Variants in TRPM3 observed in about 807,000 individuals in gnomAD.
The protein encoded by TRPM3 is long transient receptor potential channel 3.
In TRPM3, 77 loss-of-function variants were observed where a neutral mutation model predicts 181.2. The observed-to-expected ratio is 0.42, with a 90% CI of 0.35 to 0.51. The LOEUF is 0.51. TRPM3 is among the 20% of genes least tolerant of loss of function. The pLI is 0.01. For synonymous variants in TRPM3, 745 were observed against 796.4 expected (o/e 0.94, Z 1.09); for missense variants, 1,759 against 2,196.7 (o/e 0.80, Z 3.98).
At chr9:71,378,632 T>C (rs1394292958) in intron 1 of TRPM3, among the ~76,000 whole-genome samples, 1 of 152,070 alleles carries the variant, frequency 6.6e-6, no homozygotes, top group Non-Finnish European at 1.5e-5. Context: ...ACTCAGATGC[T>C]TCCTCTTGCT....
intron 1 of TRPM3, among the ~76,000 whole-genome samples, chr9:71,120,746 G>A (rs753858748): frequency 6.6e-6 from 1 of 152,186 alleles, no homozygotes; most frequent in Non-Finnish European, 1.5e-5. Context: ...GTTCTCTCTG[G>A]TTCCATTTAA....
chr9:70,870,773 A>G (rs923267249), intron 1 of TRPM3, among the ~76,000 whole-genome samples: 3 of 152,064 alleles, frequency 2.0e-5, no homozygotes, highest in African/African-American at 7.2e-5. Context: ...GTAAGGGTGG[A>G]AAAATTATAA....
chr9:71,130,970 C>T (rs1200511264), intron 1 of TRPM3, among the ~76,000 whole-genome samples: 1 of 152,124 alleles, frequency 6.6e-6, no homozygotes, highest in Non-Finnish European at 1.5e-5. Flanking sequence ...CAGATGAGAG[C>T]ATGATGTATT....
chr9:70,817,673 T>C (rs2092822380), intron 6 of TRPM3, among the ~76,000 whole-genome samples: 1 of 152,118 alleles, frequency 6.6e-6, no homozygotes, highest in Admixed American at 6.5e-5. Context: ...TACTCCAAAA[T>C]GGAAAACTCC....
rs769327425 is a variant in TRPM3 at position 70,932,572 on chromosome 9, A to G, written c.178-68061T>C. Among the ~76,000 whole-genome samples the G allele has an allele frequency of 1.2e-4, 18 of 152,220 alleles. No homozygotes were observed. The East Asian group carries it at 2.9e-3, about 24-fold the overall frequency. ...TAGGCCCAGAAAGCACAAACAATGT[A>G]TCTTGACCTAGACTAATGCTGACTC... On this transcript the variant is annotated intron_variant, in intron 1 of 25. Transcript: ENST00000677713.
intron 1 of TRPM3, among the ~76,000 whole-genome samples, chr9:71,030,821 T>C (rs1272462682): frequency 6.6e-6 from 1 of 152,190 alleles, no homozygotes; most frequent in Non-Finnish European, 1.5e-5. Flanking sequence ...AAAGACTAAC[T>C]AAATTTAAAG....
intron 1 of TRPM3, among the ~76,000 whole-genome samples, chr9:71,313,619 C>A (rs1232957197): frequency 6.6e-6 from 1 of 152,048 alleles, no homozygotes; most frequent in Non-Finnish European, 1.5e-5. Context: ...TTTCTAATTA[C>A]TTTTTCCTTT....
chr9:70,802,282 G>A (rs186619251), intron 6 of TRPM3, among the ~76,000 whole-genome samples: 56 of 152,200 alleles, frequency 3.7e-4, no homozygotes, highest in African/African-American at 1.3e-3. Context: ...TCTAAACCAG[G>A]CATCAGCAAA....
chr9:71,155,065 A>T (rs527919823), intron 1 of TRPM3, among the ~76,000 whole-genome samples: 1 of 152,310 alleles, frequency 6.6e-6, no homozygotes, highest in Admixed American at 6.5e-5. Flanking sequence ...TCAAATCTAC[A>T]AATGAAGGCT....
chr9:71,402,692 G>A (rs990794061), intron 1 of TRPM3, among the ~76,000 whole-genome samples: 8 of 152,094 alleles, frequency 5.3e-5, no homozygotes, highest in Admixed American at 3.3e-4. Flanking sequence ...GTACTCCTTG[G>A]TAGGGAAAAT....
chr9:70,872,560 C>T (rs1026115950), intron 1 of TRPM3, among the ~76,000 whole-genome samples: 2 of 151,928 alleles, frequency 1.3e-5, no homozygotes, highest in Non-Finnish European at 2.9e-5. Flanking sequence ...TTATTTATTC[C>T]TATGCTTCCC....
intron 1 of TRPM3, among the ~76,000 whole-genome samples, chr9:71,082,001 T>A (rs1781932815): frequency 6.6e-6 from 1 of 152,196 alleles, no homozygotes; most frequent in African/African-American, 2.4e-5. Context: ...CTCGCACAGA[T>A]GTAACAACCT....
intron 1 of TRPM3, among the ~76,000 whole-genome samples, chr9:71,349,743 A>G (rs2091497090): frequency 6.6e-6 from 1 of 152,020 alleles, no homozygotes; most frequent in Admixed American, 6.5e-5. Context: ...CTATTAGACT[A>G]TGTTGTGAAA....
intron 5 of TRPM3, among the ~76,000 whole-genome samples, chr9:70,831,962 A>AATATATATATATATTTATATAT (rs1554730387): frequency 1.1e-4 from 7 of 64,242 alleles, no homozygotes; most frequent in African/African-American, 5.3e-4. Flanking sequence ...GTACCCCATA[A>AATATATATATATATTTATATAT]ATATATATAT....
intron 1 of TRPM3, among the ~76,000 whole-genome samples, chr9:71,196,040 C>T (rs78821523): frequency 0.014 from 2,051 of 151,852 alleles, 35 homozygotes; most frequent in East Asian, 0.075. Flanking sequence ...ACCCGGGTGA[C>T]GAAATAATCT....
At chr9:70,550,425 G>C (rs1178425844) in intron 24 of TRPM3, among the ~76,000 whole-genome samples, 1 of 152,202 alleles carries the variant, frequency 6.6e-6, no homozygotes, top group East Asian at 1.9e-4. Flanking sequence ...TGACTTCAAT[G>C]AGCCATTGTT....
At position 71,308,549 on chromosome 9, in the gene TRPM3, T is replaced by C. The variant is rs12003238; in HGVS notation, c.183+138104A>G. Among the ~76,000 whole-genome samples, 687 of 152,296 alleles carry C rather than the reference T, an allele frequency of 4.5e-3. 5 individuals carry two copies. Among genetic ancestry groups the C allele is most frequent in the African/African-American group, 0.014 (583 of 41,570 alleles). Reference sequence around the variant, plus strand: ...ATTCTAAAGATAGTATTTAACACTCTTAAAGAACCTAATCATTTTCTTTTT... The same window carrying C: ...ATTCTAAAGATAGTATTTAACACTCCTAAAGAACCTAATCATTTTCTTTTT... On this transcript the variant is annotated intron_variant, in intron 1 of 24. Coordinates refer to the TRPM3 transcript ENST00000357533.
Position 71,165,736 on chromosome 9 carries a change from A to G in TRPM3, c.183+280917T>C, listed in dbSNP as rs115015605. ...CCCTAATCATGAGAGAGAGGCATAAATTATTTCTGAAGACAAGCATTTCAG... is the reference window on the plus strand; with the variant it reads ...CCCTAATCATGAGAGAGAGGCATAAGTTATTTCTGAAGACAAGCATTTCAG... On this transcript the variant is annotated intron_variant, in intron 1 of 24. Coordinates refer to the TRPM3 transcript ENST00000357533. 1.7e-3 allele frequency among the ~76,000 whole-genome samples: 265 copies of G among 152,244 alleles called. 3 individuals carry two copies. The highest frequency in any genetic ancestry group is 5.8e-3 in the African/African-American group (240 of 41,538).
intron 8 of TRPM3, among the ~76,000 whole-genome samples, chr9:70,746,969 C>G (rs768003377): frequency 6.6e-6 from 1 of 152,154 alleles, no homozygotes; most frequent in East Asian, 1.9e-4. Context: ...TTATGACTCC[C>G]TAAGGAGCTG....
Sources: gnomAD v4.1 joint callset for allele counts (sites outside exome capture counted in the v4.1 genomes callset) on GRCh38, gnomAD v4.1.1 for gene constraint, MANE v1.5 for transcripts, NCBI Gene and HGNC (gene_info 2026-07-23, HGNC 2026-07-21) for gene names.